CDH11: variants seen among roughly 807,000 people sequenced by gnomAD.
The protein encoded by CDH11 is cadherin-11.
CDH11 carries 11 observed loss-of-function variants against 67.8 expected under a neutral mutation model. That is an observed-to-expected ratio of 0.16 (90% confidence interval 0.10 to 0.27). CDH11 has a LOEUF of 0.27. Ranked by LOEUF, CDH11 falls within the 10% of genes least tolerant of loss-of-function variation. CDH11 has a pLI of 1.00. For missense variants in CDH11, 847 were observed against 1,031.2 expected (o/e 0.82, Z 2.45); for synonymous variants, 419 against 400.0 (o/e 1.05, Z -0.57).
intron 1 of CDH11, among the ~76,000 whole-genome samples, chr16:65,090,913 T>A (rs1265610541): frequency 2.0e-5 from 3 of 152,222 alleles, no homozygotes; most frequent in African/African-American, 7.2e-5. Flanking sequence ...GTGTGTTTCC[T>A]ACTTGAGTAC....
At chr16:65,109,994 C>T (rs959814671) in intron 1 of CDH11, among the ~76,000 whole-genome samples, 4 of 152,132 alleles carry the variant, frequency 2.6e-5, no homozygotes, top group Admixed American at 6.5e-5. Context: ...CAATATCTCC[C>T]GAGTAGCTGG....
At chr16:65,058,539 T>A (rs1012465516) in intron 1 of CDH11, among the ~76,000 whole-genome samples, 1 of 152,204 alleles carries the variant, frequency 6.6e-6, no homozygotes. Context: ...GAGCATCACA[T>A]GTTTCTGACA....
Position 64,991,896 on chromosome 16 carries a change from G to T in CDH11, c.683C>A (p.Ala228Asp), listed in dbSNP as rs771625629. Residue 228 changes from alanine (A) to aspartate (D), a missense_variant, in exon 6 of 13, where the codon GCC (alanine) becomes GAC (aspartate). Physicochemically the swap from Ala to Asp is moderately radical, Grantham distance 126. Coordinates refer to ENST00000268603, the MANE Select transcript of CDH11 (RefSeq NM_001797.4). ...RTALPNMDRE[A>D]KEEYHVVIQA... is the part of the protein sequence containing the mutation. ...GATCACCACGTGGTACTCCTCCTTG[G>T]CCTCCCTGTCCATGTTGGGTAGGGC... 1 of 1,613,568 alleles carries T rather than the reference G, an allele frequency of 6.2e-7. No homozygotes were observed. The highest frequency in any genetic ancestry group is 8.5e-7 in the Non-Finnish European group (1 of 1,179,602).
chr16:64,967,891 C>T (rs2071886222), intron 11 of CDH11, among the ~76,000 whole-genome samples: 1 of 152,094 alleles, frequency 6.6e-6, no homozygotes, highest in African/African-American at 2.4e-5. Context: ...TATTTTACTA[C>T]AATTATTATG....
At chr16:64,949,432 T>C (rs1028631962) in intron 12 of CDH11, among the ~76,000 whole-genome samples, 15 of 148,668 alleles carry the variant, frequency 1.0e-4, no homozygotes, top group Middle Eastern at 3.5e-3. Flanking sequence ...TTTCTTTTTT[T>C]TTTTTTTTTT....
chr16:64,948,711 T>C, intron 12 of CDH11: 2 of 1,604,476 alleles, frequency 1.2e-6, no homozygotes, highest in Non-Finnish European at 8.5e-7. Context: ...CATAGGAAAA[T>C]AGCATCAGCT....
At chr16:65,108,684 T>TA (rs56412091) in intron 1 of CDH11, among the ~76,000 whole-genome samples, 77,966 of 150,218 alleles carry the variant, frequency 0.52, 20,313 homozygotes, top group South Asian at 0.59. Flanking sequence ...AATCAATATT[T>TA]AAAAAAAAAA....
At chr16:65,017,664 A>T (rs1325030645) in intron 2 of CDH11, among the ~76,000 whole-genome samples, 1 of 152,220 alleles carries the variant, frequency 6.6e-6, no homozygotes, top group Non-Finnish European at 1.5e-5. Context: ...GACACTTGTT[A>T]GAACTAAGTT....
chr16:64,965,565 A>G (rs2071797723), intron 11 of CDH11, among the ~76,000 whole-genome samples: 1 of 152,106 alleles, frequency 6.6e-6, no homozygotes, highest in African/African-American at 2.4e-5. Context: ...TTCTTCTGGA[A>G]TACCTCCCAA....
chr16:65,064,943 G>A (rs919142148), intron 1 of CDH11, among the ~76,000 whole-genome samples: 1 of 152,176 alleles, frequency 6.6e-6, no homozygotes, highest in Admixed American at 6.5e-5. Flanking sequence ...GGAGACGGAG[G>A]CCCAACGGGG....
chr16:65,102,656 T>C (rs936805087), intron 1 of CDH11, among the ~76,000 whole-genome samples: 4 of 152,350 alleles, frequency 2.6e-5, no homozygotes, highest in Admixed American at 6.5e-5. Flanking sequence ...CCAACCACCA[T>C]GCTGTAAGTC....
chr16:64,962,200 A>T (rs549057494), intron 11 of CDH11, among the ~76,000 whole-genome samples: 81 of 152,226 alleles, frequency 5.3e-4, no homozygotes, highest in Non-Finnish European at 8.5e-4. Context: ...AAATTAAAAC[A>T]GTTATAACTT....
intron 8 of CDH11, among the ~76,000 whole-genome samples, chr16:64,975,792 A>G (rs534972867): frequency 2.6e-4 from 40 of 152,206 alleles, no homozygotes; most frequent in African/African-American, 9.2e-4. Flanking sequence ...TCATACCCCC[A>G]ACCTCAGCAC....
rs142902175 is a variant in CDH11 at position 65,039,292 on chromosome 16, G to A, written c.-173+14512C>T. Among the ~76,000 whole-genome samples the A allele has an allele frequency of 8.7e-3, 1,329 of 152,236 alleles. 17 individuals carry two copies. The highest frequency in any genetic ancestry group is 0.03 in the African/African-American group (1,229 of 41,538). On this transcript the variant is annotated intron_variant, in intron 2 of 12. Coordinates refer to ENST00000268603, the MANE Select transcript of CDH11 (RefSeq NM_001797.4). ...AAAAGAACAAAGCTTGAGGTATCAC[G>A]CTACCTGACTTCAAACTATACTACA...
At chr16:64,964,105 A>T (rs1465826401) in intron 11 of CDH11, among the ~76,000 whole-genome samples, 3 of 152,214 alleles carry the variant, frequency 2.0e-5, no homozygotes, top group Non-Finnish European at 4.4e-5. Context: ...TGTTCACAGT[A>T]ATAATTGCAA....
At chr16:65,004,583 A>C in intron 3 of CDH11, 59 bp downstream of exon 3, 7 of 1,530,808 alleles carry the variant, frequency 4.6e-6, no homozygotes, top group Non-Finnish European at 6.2e-6. Flanking sequence ...CTTTCTGGCC[A>C]CAGACGACTA....
At chr16:65,118,132 T>C (rs968699699) in intron 1 of CDH11, among the ~76,000 whole-genome samples, 5 of 152,134 alleles carry the variant, frequency 3.3e-5, no homozygotes, top group African/African-American at 4.8e-5. Context: ...GCAGATGGGC[T>C]CCATGCAGAC....
intron 8 of CDH11, among the ~76,000 whole-genome samples, chr16:64,975,871 T>TA: frequency 6.6e-6 from 1 of 152,166 alleles, no homozygotes; most frequent in South Asian, 2.1e-4. Flanking sequence ...TGAAATTATT[T>TA]AAAAAATTAA....
chr16:64,956,642 C>A (rs2071520226), intron 11 of CDH11, among the ~76,000 whole-genome samples: 1 of 152,132 alleles, frequency 6.6e-6, no homozygotes, highest in South Asian at 2.1e-4. Context: ...GCAAATAGGG[C>A]CATTAATTAC....
Sources: allele counts gnomAD v4.1 joint callset (sites outside exome capture counted in the v4.1 genomes callset), GRCh38; gene constraint gnomAD v4.1.1; transcripts MANE v1.5; gene names NCBI Gene and HGNC (gene_info 2026-07-23, HGNC 2026-07-21).